Variants in OGFOD3 observed in about 807,000 individuals in gnomAD.
OGFOD3 encodes 2-oxoglutarate and iron dependent oxygenase domain containing 3, also known as 2-oxoglutarate and iron-dependent oxygenase domain-containing protein 3.
Under a neutral mutation model 39.8 loss-of-function variants are expected in OGFOD3, and 35 were observed. That is an observed-to-expected ratio of 0.88 (90% CI 0.67 to 1.17). OGFOD3 has a LOEUF of 1.17. Ranked by LOEUF, OGFOD3 falls within the 50% of genes most tolerant of loss-of-function variation. The pLI is 0.00. For synonymous variants in OGFOD3, 200 were observed against 192.0 expected, an observed-to-expected ratio of 1.04 and a Z score of -0.34; for missense variants, 438 against 454.5, an observed-to-expected ratio of 0.96 and a Z score of 0.33.
Position 82,398,935 on chromosome 17 carries a change from C to T in OGFOD3, c.700-616G>A, listed in dbSNP as rs774007318. On this transcript the variant is annotated intron_variant, in intron 7 of 8. Transcript: ENST00000313056. ...CATCAGTCCACCCACTTTGGCCTCC[C>T]GGGTGCTGGGATTAGAGGCATGAGC... 1.1e-4 allele frequency among the ~76,000 whole-genome samples: 15 copies of T among 134,938 alleles called. 1 individual carries two copies. Among genetic ancestry groups the T allele is most frequent in the Non-Finnish European group, 2.2e-4 (14 of 64,742 alleles). 88.5% of individuals were successfully genotyped at this position (134,938 alleles called of 152,430 possible).
At position 82,415,791 on chromosome 17, in the gene OGFOD3, G is replaced by A. The variant is rs943707628; in HGVS notation, c.75-164C>T. 2.6e-5 allele frequency among the ~76,000 whole-genome samples: 4 copies of A among 152,054 alleles called. No individual in the cohort carries two copies. The highest frequency in any genetic ancestry group is 4.4e-5 in the Non-Finnish European group (3 of 68,012). ...CCAGCGCTGTCCACTCAGGAAACAC[G>A]GACTCTTCCCTCCCTTTCCCTTCAG... On this transcript the variant is annotated intron_variant, in intron 1 of 8. Transcript: ENST00000313056. The surrounding 1 kb of genome is among the most constrained non-coding windows in gnomAD (Gnocchi z 5.3).
chr17:82,394,697 C>T (rs1280336791), intron 8 of OGFOD3, among the ~76,000 whole-genome samples: 4 of 152,200 alleles, frequency 2.6e-5, no homozygotes, highest in African/African-American at 7.2e-5. Context: ...ATAGGAGAAC[C>T]TCTGTTTACC....
At chr17:82,396,596 G>A (rs934738375) in intron 8 of OGFOD3, 1 of 152,254 alleles carries the variant, frequency 6.6e-6, no homozygotes, top group Non-Finnish European at 1.5e-5. Flanking sequence ...AATACAAAAT[G>A]TTTGACTCAA....
At chr17:82,400,209 C>G (rs767054498) in intron 7 of OGFOD3, among the ~76,000 whole-genome samples, 13 of 152,158 alleles carry the variant, frequency 8.5e-5, no homozygotes, top group Non-Finnish European at 1.3e-4. Context: ...GCTCCCTCCC[C>G]CCTGCCCCTC....
rs539283573 is a variant in OGFOD3, at chr17:82,415,690, G to A, written c.75-63C>T. 6.5e-4 allele frequency: 909 copies of A among 1,395,566 alleles called. 3 individuals are homozygous for A. Among genetic ancestry groups the A allele is most frequent in the Non-Finnish European group, 8.0e-4 (823 of 1,023,394 alleles). 86.4% of individuals were successfully genotyped at this position (1,395,566 alleles called of 1,614,324 possible). On this transcript the variant is annotated intron_variant, in intron 1 of 8. Coordinates refer to ENST00000313056, the MANE Select transcript of OGFOD3 (RefSeq NM_024648.3). The surrounding 1 kb of genome is among the most constrained non-coding windows in gnomAD (Gnocchi z 5.3). ...AGTGAGGCCAGAGAAAACGCTCCCC[G>A]ATCATCAAAGTGCATGCACCATGAC... is the stretch of plus-strand genomic sequence containing the variant.
In OGFOD3 at chr17:82,392,521, G is replaced by C; in HGVS notation, c.837C>G (p.Phe279Leu). ...GTAGGTTCTCGGACCCCGAGGTGAA[G>C]AAGGAGACGCGACCTGGGAGAGGAG... ...TVEPRAGRVS[F>L]FTSGSENLHR... The change falls in exon 9 of 9, where the codon TTC becomes TTG. Residue 279 changes from phenylalanine to leucine, a missense_variant. Phe to Leu is a conservative substitution (Grantham distance 22, BLOSUM62 0). Coordinates refer to ENST00000313056, the MANE Select transcript of OGFOD3 (RefSeq NM_024648.3). This position sits in a 1 kb window ranked among gnomAD's most constrained non-coding sequence, Gnocchi z 4.2. 6.3e-7 allele frequency: 1 copy of C among 1,592,162 alleles called. No individual in the cohort carries two copies. The highest frequency in any genetic ancestry group is 8.5e-7 in the Non-Finnish European group (1 of 1,170,092).
chr17:82,411,821 T>A, intron 2 of OGFOD3: 1 of 430,114 alleles, frequency 2.3e-6, no homozygotes, highest in Non-Finnish European at 4.2e-6. Context: ...TCAACAGCAT[T>A]CCTGAACCAT....
intron 4 of OGFOD3, among the ~76,000 whole-genome samples, chr17:82,408,892 C>T (rs903437822): frequency 1.3e-5 from 2 of 152,256 alleles, no homozygotes; most frequent in African/African-American, 2.4e-5. Context: ...CCTGCAGCCT[C>T]ACATGGGACG....
intron 4 of OGFOD3, among the ~76,000 whole-genome samples, chr17:82,407,658 A>G (rs2052876615): frequency 6.6e-6 from 1 of 152,214 alleles, no homozygotes. Context: ...TCATCGCCAC[A>G]GCCACTGGCC....
chr17:82,415,339 C>G lies in OGFOD3; in HGVS notation c.304+59G>C, dbSNP rs538282144. On this transcript the variant is annotated intron_variant, in intron 2 of 8. Transcript: ENST00000313056. This position sits in a 1 kb window ranked among gnomAD's most constrained non-coding sequence, Gnocchi z 5.3. Reference sequence around the variant, plus strand: ...CAACCCAATTCCCACCCCTTCGTCGCAGCCAATGTCCTTTAACCACACTGA... The same window carrying G: ...CAACCCAATTCCCACCCCTTCGTCGGAGCCAATGTCCTTTAACCACACTGA... The G allele has an allele frequency of 1.4e-4, 209 of 1,524,236 alleles. 2 individuals carry two copies. The African/African-American group carries it at 2.5e-3, about 18-fold the overall frequency. The allele number at this position is 1,524,236 out of a possible 1,614,324, so 94.4% of individuals were successfully genotyped here.
chr17:82,408,596 G>T (rs1350838292), intron 4 of OGFOD3, among the ~76,000 whole-genome samples: 1 of 151,226 alleles, frequency 6.6e-6, no homozygotes, highest in Non-Finnish European at 1.5e-5. Context: ...TGTGGGAGGG[G>T]CCCTGCTCCC....
intron 7 of OGFOD3, among the ~76,000 whole-genome samples, chr17:82,399,115 C>T (rs1274616291): frequency 6.6e-6 from 1 of 152,158 alleles, no homozygotes; most frequent in Non-Finnish European, 1.5e-5. Context: ...GGATTACGCG[C>T]GTGAGTCACC....
In OGFOD3 at chr17:82,406,435, G is replaced by T. The variant is rs778614297; in HGVS notation, c.471C>A (p.His157Gln). Reference protein sequence around the residue: ...LHSGALSVGKHFVNLYRYFGD... With the variant: ...LHSGALSVGKQFVNLYRYFGD... ...GCACTCACCTGTACAGGTTCACAAA[G>T]TGCTTCCCGACAGACAGGGCCCCTG... The change falls in exon 5 of 9, where the codon CAC (histidine) becomes CAA (glutamine). Residue 157 changes from histidine to glutamine, a missense_variant. By Grantham distance (24) the His-to-Gln change is conservative. Coordinates refer to ENST00000313056, the MANE Select transcript of OGFOD3 (RefSeq NM_024648.3). This position sits in a 1 kb window ranked among gnomAD's most constrained non-coding sequence, Gnocchi z 5.2. 1 of 1,614,124 alleles carries T rather than the reference G, an allele frequency of 6.2e-7. No individual in the cohort carries two copies. The highest frequency in any genetic ancestry group is 1.3e-5 in the African/African-American group (1 of 75,048).
chr17:82,394,409 G>A, intron 8 of OGFOD3: 1 of 1,610,380 alleles, frequency 6.2e-7, no homozygotes. Context: ...AGAATCGCAT[G>A]TGTCTCTCCC....
In OGFOD3 at chr17:82,409,367, C is replaced by A. The variant is rs140153882; in HGVS notation, c.423+1G>T. 8 of 1,613,718 alleles carry A rather than the reference C, an allele frequency of 5.0e-6. No homozygotes were observed. Among genetic ancestry groups the A allele is most frequent in the Non-Finnish European group, 6.8e-6 (8 of 1,179,784 alleles). On this transcript the variant is annotated splice_donor_variant, in intron 4 of 8. Coordinates refer to ENST00000313056, the MANE Select transcript of OGFOD3 (RefSeq NM_024648.3). LOFTEE classifies it high-confidence loss of function. Reference sequence around the variant, plus strand: ...GGGGGCAGGGACTACATTCAACTCACCCCTCCGTCAGATCCTCCCAGGGAG... The same window carrying A: ...GGGGGCAGGGACTACATTCAACTCAACCCTCCGTCAGATCCTCCCAGGGAG...
At position 82,409,360 on chromosome 17, in the gene OGFOD3, C is replaced by A; in HGVS notation, c.423+8G>T. 6.2e-7 allele frequency: 1 copy of A among 1,613,684 alleles called. No individual in the cohort carries two copies. Among genetic ancestry groups the A allele is most frequent in the African/African-American group, 1.3e-5 (1 of 75,046 alleles). On this transcript the variant is annotated splice_region_variant and intron_variant, in intron 4 of 8. Coordinates refer to ENST00000313056, the MANE Select transcript of OGFOD3 (RefSeq NM_024648.3). ...AAAAAAGGGGGGCAGGGACTACATTCAACTCACCCCTCCGTCAGATCCTCC... is the reference window on the plus strand; with the variant it reads ...AAAAAAGGGGGGCAGGGACTACATTAAACTCACCCCTCCGTCAGATCCTCC...
intron 8 of OGFOD3, among the ~76,000 whole-genome samples, chr17:82,397,390 G>A (rs1434330280): frequency 8.3e-6 from 1 of 120,414 alleles, no homozygotes; most frequent in Non-Finnish European, 1.8e-5. Context: ...CCCTGGGGAC[G>A]GGTGAGGCAG....
intron 7 of OGFOD3, 53 bp from the exon 8 acceptor site, chr17:82,398,372 G>C: frequency 6.2e-7 from 1 of 1,603,610 alleles, no homozygotes; most frequent in Non-Finnish European, 8.5e-7. Flanking sequence ...CATGCGACCA[G>C]GGCAGGTGCT....
chr17:82,407,731 C>A lies in OGFOD3; in HGVS notation c.424-1249G>T, dbSNP rs576555586. ...ACTGAACCCAAAGCAGCGGCCCAGC[C>A]AGCTCCATGCAGGACAACTTCCCAT... is the stretch of plus-strand genomic sequence containing the variant. On this transcript the variant is annotated intron_variant, in intron 4 of 8. Transcript: ENST00000313056. Among the ~76,000 whole-genome samples the A allele has an allele frequency of 5.3e-5, 8 of 152,374 alleles. No individual in the cohort carries two copies. The South Asian group carries it at 1.7e-3, about 32-fold the overall frequency.
Sources: gnomAD v4.1 joint callset for allele counts (sites outside exome capture counted in the v4.1 genomes callset) on GRCh38, gnomAD v4.1.1 for gene constraint, Gnocchi (gnomAD v3.1) non-coding constraint, MANE v1.5 for transcripts, NCBI Gene and HGNC (gene_info 2026-07-23, HGNC 2026-07-21) for gene names.